The following NXPE2 variants were observed in gnomAD, a reference collection of about 807,000 sequenced individuals.
The protein encoded by NXPE2 is neurexophilin and PC-esterase domain family member 2, also known as NXPE family member 2.
In NXPE2, 34 loss-of-function variants were observed where a neutral mutation model predicts 34.4. The ratio of observed to expected loss-of-function variants is 0.99; its 90% CI spans 0.75 to 1.31. The LOEUF (loss-of-function observed/expected upper bound fraction) is 1.31, where lower values mean the gene tolerates loss of function less well. Among genes scored for constraint, NXPE2 ranks in the 40% most tolerant of loss-of-function variants. The pLI, the probability that NXPE2 is intolerant of heterozygous loss-of-function variation, is 0.00. For missense variants in NXPE2, 649 were observed against 672.5 expected (o/e 0.97, Z 0.39); for synonymous variants, 235 against 231.3 (o/e 1.02, Z -0.15).
At chr11:114,742,639 C>T in the NXPE2 span, among the ~76,000 whole-genome samples, 1 of 31,010 alleles carries the variant, frequency 3.2e-5, no homozygotes, top group African/African-American at 6.1e-5. Flanking sequence ...TTTTTTTTGC[C>T]CTAACACTGT....
the NXPE2 span, among the ~76,000 whole-genome samples, chr11:114,801,608 C>G: frequency 6.6e-6 from 1 of 152,022 alleles, no homozygotes; most frequent in South Asian, 2.1e-4. Context: ...TATAGGTTGT[C>G]AAGAGTAAAA....
At chr11:114,686,916 G>C (rs1951058304) in intron 2 of NXPE2, among the ~76,000 whole-genome samples, 1 of 152,056 alleles carries the variant, frequency 6.6e-6, no homozygotes, top group South Asian at 2.1e-4. Context: ...TATGTCTTTT[G>C]AGAAGTATCT....
chr11:114,617,397 T>G, the NXPE2 span, among the ~76,000 whole-genome samples: 1 of 152,032 alleles, frequency 6.6e-6, no homozygotes, highest in African/African-American at 2.4e-5. Context: ...ATAATAAGTA[T>G]TGCCTCGTGG....
chr11:114,639,223 G>A, the NXPE2 span, among the ~76,000 whole-genome samples: 43 of 151,852 alleles, frequency 2.8e-4, no homozygotes, highest in Non-Finnish European at 3.2e-4. Context: ...ATCTCAGACT[G>A]CTGTGCGAGC....
At chr11:114,610,753 G>A in the NXPE2 span, among the ~76,000 whole-genome samples, 2 of 151,898 alleles carry the variant, frequency 1.3e-5, no homozygotes, top group East Asian at 3.9e-4. Flanking sequence ...TGGATAATAA[G>A]TGTTGCCTTG....
chr11:114,785,957 A>G, the NXPE2 span, among the ~76,000 whole-genome samples: 6 of 152,304 alleles, frequency 3.9e-5, no homozygotes, highest in Admixed American at 3.9e-4. Context: ...ACAGAAGATT[A>G]TTATACTATT....
chr11:114,704,048 C>G lies in NXPE2; in HGVS notation c.924C>G (p.Cys308Trp), dbSNP rs771281644. The G allele has an allele frequency of 1.1e-5, 17 of 1,549,420 alleles. No individual in the cohort carries two copies. The Middle Eastern group carries it at 1.2e-3, about 107-fold the overall frequency. The change falls in exon 4 of 6, where the codon TGC becomes TGG. Residue 308 changes from cysteine (C) to tryptophan (W), a missense_variant. Coordinates refer to ENST00000389586, the MANE Select transcript of NXPE2 (RefSeq NM_182495.6). ...TTACCCCCATTGAGGTCATACCATG[C>G]AACAGTAAGTCTGGAGTGTTGTTGT... The part of the protein sequence containing the change: ...KNFTPIEVIP[C>W]NKSENIKKNC...
chr11:114,581,427 AG>A, the NXPE2 span, among the ~76,000 whole-genome samples: 15 of 152,152 alleles, frequency 9.9e-5, no homozygotes, highest in Non-Finnish European at 1.6e-4. Context: ...GAGGTAAAGA[AG>A]TGGGTATAGA....
chr11:114,632,976 T>A, the NXPE2 span, among the ~76,000 whole-genome samples: 9 of 103,598 alleles, frequency 8.7e-5, no homozygotes, highest in South Asian at 2.4e-3. Context: ...ATATTATATA[T>A]TATATATTTT....
chr11:114,711,288 G>C (rs1859607843), downstream of NXPE2, among the ~76,000 whole-genome samples: 1 of 151,706 alleles, frequency 6.6e-6, no homozygotes. Context: ...TATAGCATAT[G>C]ACAAAAAAAA....
At chr11:114,609,877 C>A in the NXPE2 span, among the ~76,000 whole-genome samples, 4 of 151,626 alleles carry the variant, frequency 2.6e-5, no homozygotes, top group African/African-American at 7.3e-5. Context: ...CACTCTTACC[C>A]AGTGGATAAT....
chr11:114,564,218 T>G, the NXPE2 span, among the ~76,000 whole-genome samples: 1 of 152,080 alleles, frequency 6.6e-6, no homozygotes, highest in African/African-American at 2.4e-5. Context: ...AAACCAAACA[T>G]CATATCATAT....
chr11:114,632,231 AAT>A, the NXPE2 span, among the ~76,000 whole-genome samples: 1 of 140,612 alleles, frequency 7.1e-6, no homozygotes, highest in Non-Finnish European at 1.5e-5. Context: ...ATATATGTAT[AAT>A]ATATATGTAT....
the NXPE2 span, among the ~76,000 whole-genome samples, chr11:114,720,789 C>A: frequency 0.012 from 1,830 of 152,128 alleles, 37 homozygotes; most frequent in African/African-American, 0.041. Context: ...AATTACTTGT[C>A]TGGGTTACAT....
the NXPE2 span, among the ~76,000 whole-genome samples, chr11:114,558,336 AG>A: frequency 1.3e-5 from 2 of 152,162 alleles, no homozygotes; most frequent in Non-Finnish European, 2.9e-5. Flanking sequence ...GCTTTTATAT[AG>A]GCACACATAG....
At chr11:114,743,817 G>GTA in the NXPE2 span, among the ~76,000 whole-genome samples, 39 of 151,006 alleles carry the variant, frequency 2.6e-4, no homozygotes, top group African/African-American at 8.5e-4. Flanking sequence ...GTATGTGTGT[G>GTA]TATATATATA....
the NXPE2 span, among the ~76,000 whole-genome samples, chr11:114,580,941 G>A: frequency 3.3e-5 from 5 of 152,268 alleles, no homozygotes; most frequent in South Asian, 1.0e-3. Context: ...CAATGGTGAG[G>A]AGCCCGTGGC....
At chr11:114,691,149 G>T (rs542783721) in intron 2 of NXPE2, among the ~76,000 whole-genome samples, 78 of 152,182 alleles carry the variant, frequency 5.1e-4, no homozygotes, top group African/African-American at 1.8e-3. Context: ...AAACACTCTG[G>T]TTTTTTGTAT....
the NXPE2 span, among the ~76,000 whole-genome samples, chr11:114,536,603 A>G: frequency 6.6e-6 from 1 of 152,228 alleles, no homozygotes; most frequent in Admixed American, 6.5e-5. Context: ...AGGGGATATC[A>G]CCACCGATCC....
Sources: gnomAD v4.1 joint callset for allele counts (sites outside exome capture counted in the v4.1 genomes callset) on GRCh38, gnomAD v4.1.1 for gene constraint, MANE v1.5 for transcripts, NCBI Gene and HGNC (gene_info 2026-07-23, HGNC 2026-07-21) for gene names.